Variants in ARFIP1 observed in about 807,000 individuals in gnomAD.
ARFIP1 encodes the protein arfaptin-1.
Under a neutral mutation model 42.5 loss-of-function variants are expected in ARFIP1, and 24 were observed. The ratio of observed to expected loss-of-function variants is 0.57; its 90% confidence interval spans 0.41 to 0.80. The LOEUF (loss-of-function observed/expected upper bound fraction) is 0.80. ARFIP1 is among the 30% of genes least tolerant of loss of function. The pLI, the probability that ARFIP1 is intolerant of heterozygous loss-of-function variation, is 0.00. For missense variants in ARFIP1, 354 were observed against 434.0 expected, an observed-to-expected ratio of 0.82 and a Z score of 1.64; for synonymous variants, 141 against 153.7, an observed-to-expected ratio of 0.92 and a Z score of 0.61.
intron 2 of ARFIP1, among the ~76,000 whole-genome samples, chr4:152,849,550 T>A (rs1732819398): frequency 6.6e-6 from 1 of 152,194 alleles, no homozygotes; most frequent in Admixed American, 6.5e-5. Flanking sequence ...CTAGACTAAG[T>A]GGGTGAGGCC....
At chr4:152,905,707 C>A (rs1280796909) in intron 8 of ARFIP1, among the ~76,000 whole-genome samples, 2 of 151,562 alleles carry the variant, frequency 1.3e-5, no homozygotes, top group African/African-American at 4.8e-5. Context: ...TGCCTGCTAC[C>A]ATGCCTGGCT....
At chr4:152,829,914 C>T (rs954460567) in intron 2 of ARFIP1, among the ~76,000 whole-genome samples, 188 bp downstream of exon 2, 4 of 151,984 alleles carry the variant, frequency 2.6e-5, no homozygotes, top group African/African-American at 7.2e-5. Context: ...AAGCTCCAGG[C>T]CAGTAAACTA....
intron 3 of ARFIP1, among the ~76,000 whole-genome samples, chr4:152,865,253 C>T (rs1734230548): frequency 6.6e-6 from 1 of 151,980 alleles, no homozygotes; most frequent in African/African-American, 2.4e-5. Flanking sequence ...TCTCCTGCCT[C>T]GACATCCCAA....
At chr4:152,859,781 A>G (rs1466369015) in intron 2 of ARFIP1, among the ~76,000 whole-genome samples, 2 of 150,710 alleles carry the variant, frequency 1.3e-5, no homozygotes, top group African/African-American at 4.9e-5. Context: ...TATTTCTACT[A>G]AAGGTGTCGT....
intron 1 of ARFIP1, among the ~76,000 whole-genome samples, chr4:152,814,035 A>G (rs1470040447): frequency 2.0e-5 from 3 of 151,340 alleles, no homozygotes; most frequent in South Asian, 4.2e-4. Flanking sequence ...TTTATTCGAT[A>G]TAGAATTCTA....
chr4:152,832,626 T>C (rs756495407), intron 2 of ARFIP1, among the ~76,000 whole-genome samples: 13 of 152,236 alleles, frequency 8.5e-5, no homozygotes, highest in Non-Finnish European at 1.5e-4. Context: ...TAGTAATTTT[T>C]ATGTCGCATT....
chr4:152,841,125 T>C (rs12644926), intron 2 of ARFIP1, among the ~76,000 whole-genome samples: 57,513 of 151,288 alleles, frequency 0.38, 11,974 homozygotes, highest in Admixed American at 0.5. Flanking sequence ...AACCTCCACC[T>C]CCCGGGTTCA....
intron 8 of ARFIP1, among the ~76,000 whole-genome samples, chr4:152,893,706 T>C (rs1737059534): frequency 1.3e-5 from 2 of 152,188 alleles, no homozygotes; most frequent in African/African-American, 4.8e-5. Context: ...TTCATTATTA[T>C]GTTATATTTT....
At chr4:152,800,085 G>T (rs1383445097) in intron 1 of ARFIP1, among the ~76,000 whole-genome samples, 1 of 152,112 alleles carries the variant, frequency 6.6e-6, no homozygotes, top group East Asian at 1.9e-4. Flanking sequence ...TTTAAAAAAA[G>T]AACAGGTACG....
At chr4:152,803,781 T>G (rs1728611343) in intron 1 of ARFIP1, among the ~76,000 whole-genome samples, 1 of 151,526 alleles carries the variant, frequency 6.6e-6, no homozygotes, top group Non-Finnish European at 1.5e-5. Flanking sequence ...ACAGCCCTAA[T>G]GATATAAATG....
At chr4:152,841,189 C>T (rs1732041866) in intron 2 of ARFIP1, among the ~76,000 whole-genome samples, 1 of 152,050 alleles carries the variant, frequency 6.6e-6, no homozygotes, top group South Asian at 2.1e-4. Context: ...GCACGTGCCA[C>T]CATGCCCAGC....
chr4:152,882,617 A>G, intron 6 of ARFIP1, 106 bp from the exon 7 acceptor site: 1 of 1,068,860 alleles, frequency 9.4e-7, no homozygotes, highest in Non-Finnish European at 1.4e-6. Flanking sequence ...CTACAGCTAG[A>G]TCTCTATCTA....
chr4:152,806,809 T>G (rs993474465), intron 1 of ARFIP1, among the ~76,000 whole-genome samples: 1 of 152,086 alleles, frequency 6.6e-6, no homozygotes, highest in African/African-American at 2.4e-5. Context: ...ACTTTTTTTT[T>G]TTTAGCTCAA....
intron 3 of ARFIP1, among the ~76,000 whole-genome samples, chr4:152,866,053 T>C (rs1734302673): frequency 6.6e-6 from 1 of 151,868 alleles, no homozygotes; most frequent in African/African-American, 2.4e-5. Context: ...TACTTGAGAT[T>C]AGGGAGTGGT....
rs779724886 is a variant in ARFIP1 at position 152,803,700 on chromosome 4, G to C, written c.-10+23474G>C. On this transcript the variant is annotated intron_variant, in intron 1 of 8. Transcript: ENST00000353617. ...TTTCCAGGTGTCCTAGTTTAATTCT[G>C]CAACTGCCAACTGCTAGGAGTAGGA... Among the ~76,000 whole-genome samples, 5 of 151,938 alleles carry C rather than the reference G, an allele frequency of 3.3e-5. 1 individual carries two copies. The highest frequency in any genetic ancestry group is 5.9e-5 in the Non-Finnish European group (4 of 67,996).
At position 152,870,884 on chromosome 4, in the gene ARFIP1, C is replaced by G. The variant is rs1206839456; in HGVS notation, c.298+36C>G. The G allele has an allele frequency of 4.0e-6, 6 of 1,513,328 alleles. No homozygotes were observed. In the East Asian group the frequency reaches 1.1e-4, roughly 28 times the overall value. 93.7% of individuals were successfully genotyped at this position (1,513,328 alleles called of 1,614,324 possible). ...CACTGATTGGATAAAGCACTTATTG[C>G]TACTGCTGAAGCTACACTAATTTAC... On this transcript the variant is annotated intron_variant, in intron 4 of 8. Transcript: ENST00000353617.
chr4:152,838,940 A>G (rs758121762), intron 2 of ARFIP1, among the ~76,000 whole-genome samples: 1 of 152,092 alleles, frequency 6.6e-6, no homozygotes, highest in African/African-American at 2.4e-5. Context: ...CTTTTATTAC[A>G]TTAAGGTATG....
intron 5 of ARFIP1, among the ~76,000 whole-genome samples, chr4:152,876,236 T>C (rs1025691230): frequency 3.3e-5 from 5 of 152,326 alleles, no homozygotes; most frequent in Middle Eastern, 3.4e-3. Flanking sequence ...CAGGAAAATG[T>C]GGGAATGTTT....
chr4:152,908,750 G>A (rs1380742010), intron 8 of ARFIP1, among the ~76,000 whole-genome samples: 2 of 151,900 alleles, frequency 1.3e-5, no homozygotes, highest in African/African-American at 4.8e-5. Flanking sequence ...CCCTCTGTCA[G>A]GGCAGATTGC....
Sources: allele counts gnomAD v4.1 joint callset (sites outside exome capture counted in the v4.1 genomes callset), GRCh38; gene constraint gnomAD v4.1.1; transcripts MANE v1.5; gene names NCBI Gene and HGNC (gene_info 2026-07-23, HGNC 2026-07-21).